The following PDE4D variants were observed in gnomAD, a reference collection of about 807,000 sequenced individuals.
The protein encoded by PDE4D is 3',5'-cyclic-AMP phosphodiesterase 4D.
A neutral mutation model predicts 87.4 loss-of-function variants in PDE4D; 24 were observed. The observed-to-expected ratio is 0.27, with a 90% CI of 0.20 to 0.39. PDE4D has a LOEUF of 0.39. PDE4D is among the 10% of genes least tolerant of loss of function. The pLI is 1.00. For synonymous variants in PDE4D, 384 were observed against 383.2 expected, an observed-to-expected ratio of 1.00 and a Z score of -0.02; for missense variants, 714 against 1,041.0, an observed-to-expected ratio of 0.69 and a Z score of 4.32.
intron 1 of PDE4D, among the ~76,000 whole-genome samples, chr5:59,746,258 T>A (rs1288932180): frequency 6.6e-6 from 1 of 152,148 alleles, no homozygotes; most frequent in Non-Finnish European, 1.5e-5. Flanking sequence ...TTTTTCTGTA[T>A]CTTCTGTCAT....
At position 58,969,170 on chromosome 5, in the gene PDE4D, G is replaced by A. The variant is rs1056108269; in HGVS notation, c.*5494C>T. The A allele has an allele frequency of 6.6e-6, 1 of 152,172 alleles. No individual in the cohort carries two copies. The highest frequency in any genetic ancestry group is 2.4e-5 in the African/African-American group (1 of 41,438). 9.4% of individuals were successfully genotyped at this position (152,172 alleles called of 1,614,324 possible). A position where few individuals can be genotyped will look rare whatever the true frequency, so the allele number is the denominator to read the frequency against. On this transcript the variant is annotated 3_prime_UTR_variant, in exon 15 of 15. Coordinates refer to ENST00000340635, the MANE Select transcript of PDE4D (RefSeq NM_001104631.2). ...TACTGTGTACCAGGCATAGTTTTAA[G>A]TGCTAGTGATATATTGGTAAGCAAA...
chr5:59,762,227 C>T (rs1271879711), intron 1 of PDE4D, among the ~76,000 whole-genome samples: 2 of 141,738 alleles, frequency 1.4e-5, no homozygotes, highest in Non-Finnish European at 3.1e-5. Flanking sequence ...TATGGGTACA[C>T]ATATGCGTAT....
At chr5:59,320,610 T>C (rs1433613115) in intron 1 of PDE4D, among the ~76,000 whole-genome samples, 4 of 152,174 alleles carry the variant, frequency 2.6e-5, no homozygotes, top group African/African-American at 9.6e-5. Flanking sequence ...AACTACTATA[T>C]TGTCAATCAT....
intron 5 of PDE4D, among the ~76,000 whole-genome samples, chr5:59,079,219 T>C (rs1480749779): frequency 6.6e-6 from 1 of 152,224 alleles, no homozygotes; most frequent in Non-Finnish European, 1.5e-5. Flanking sequence ...CTTTCTCATA[T>C]TCTGAATTTT....
chr5:60,374,855 G>A (rs894469053), intron 1 of PDE4D, among the ~76,000 whole-genome samples: 3 of 151,942 alleles, frequency 2.0e-5, no homozygotes, highest in Non-Finnish European at 2.9e-5. Flanking sequence ...CTTAAAAATC[G>A]GTGAAATATG....
intron 1 of PDE4D, among the ~76,000 whole-genome samples, chr5:60,506,868 TC>T (rs2067321): frequency 0.38 from 58,044 of 151,862 alleles, 11,353 homozygotes; most frequent in South Asian, 0.52. Flanking sequence ...TTGCAATATT[TC>T]TTCTGATTAT....
intron 2 of PDE4D, among the ~76,000 whole-genome samples, chr5:60,044,470 C>T (rs1489956247): frequency 1.3e-5 from 2 of 152,020 alleles, no homozygotes; most frequent in East Asian, 1.9e-4. Context: ...CCCACTAACT[C>T]GTCATCTAGC....
At chr5:59,306,107 T>C (rs942915377) in intron 1 of PDE4D, among the ~76,000 whole-genome samples, 6 of 152,200 alleles carry the variant, frequency 3.9e-5, no homozygotes, top group Admixed American at 3.3e-4. Flanking sequence ...TTGTGACATA[T>C]TCCTGTTGGA....
At chr5:59,492,885 T>A (rs563450280) in intron 1 of PDE4D, among the ~76,000 whole-genome samples, 1 of 152,300 alleles carries the variant, frequency 6.6e-6, no homozygotes, top group Admixed American at 6.5e-5. Context: ...AAGCTCTCTC[T>A]TTTTGCCTGC....
intron 1 of PDE4D, among the ~76,000 whole-genome samples, chr5:60,287,186 G>C (rs1488967899): frequency 6.6e-6 from 1 of 152,226 alleles, no homozygotes; most frequent in Non-Finnish European, 1.5e-5. Context: ...GTAAAACCTA[G>C]CTTGTGGCCT....
At chr5:60,166,671 CAT>C (rs1199319753) in intron 2 of PDE4D, among the ~76,000 whole-genome samples, 20 of 152,182 alleles carry the variant, frequency 1.3e-4, no homozygotes, top group African/African-American at 4.3e-4. Context: ...AGCATTAACA[CAT>C]GTTTTTGTAT....
intron 1 of PDE4D, among the ~76,000 whole-genome samples, chr5:59,469,184 A>T (rs1452348648): frequency 6.6e-6 from 1 of 151,876 alleles, no homozygotes; most frequent in African/African-American, 2.4e-5. Context: ...AAAAATTAGC[A>T]GGGCGTGGTA....
At chr5:60,309,600 A>G (rs1421479538) in intron 1 of PDE4D, among the ~76,000 whole-genome samples, 3 of 151,792 alleles carry the variant, frequency 2.0e-5, no homozygotes, top group African/African-American at 7.3e-5. Flanking sequence ...TCACTCCCTC[A>G]GGGTTATAAT....
chr5:60,114,823 A>G lies in PDE4D; in HGVS notation c.42+70734T>C, dbSNP rs574469540. ...TTAAAAATCCATACTTCAGGCTGAT[A>G]AAGACATTATATGTATATGTGTGTA... On this transcript the variant is annotated intron_variant, in intron 2 of 16. Coordinates refer to the PDE4D transcript ENST00000502484. 3.3e-4 allele frequency among the ~76,000 whole-genome samples: 50 copies of G among 152,208 alleles called. No individual in the cohort carries two copies. In the South Asian group the frequency reaches 9.5e-3, roughly 29 times the overall value.
At chr5:59,226,264 C>T (rs153983) in intron 1 of PDE4D, among the ~76,000 whole-genome samples, 39,691 of 151,822 alleles carry the variant, frequency 0.26, 5,593 homozygotes, top group African/African-American at 0.35. Flanking sequence ...CATCAATGAA[C>T]GAATGGATTA....
Position 59,430,294 on chromosome 5 carries a change from C to T in PDE4D, c.456-214326G>A, listed in dbSNP as rs181294274. On this transcript the variant is annotated intron_variant, in intron 1 of 14. Coordinates refer to ENST00000340635, the MANE Select transcript of PDE4D (RefSeq NM_001104631.2). ...AACTAGAGGAAAGGAAAGCAGTTAC[C>T]GTCTCCTCTGTGGCTTAATATCAAT... 1.4e-3 allele frequency: 1,706 copies of T among 1,231,142 alleles called. 1 individual carries two copies. Among genetic ancestry groups the T allele is most frequent in the Non-Finnish European group, 1.5e-3 (1,487 of 987,540 alleles). The allele number at this position is 1,231,142 out of a possible 1,614,324, so 76.3% of individuals were successfully genotyped here.
chr5:59,795,599 T>C (rs1766372426), intron 1 of PDE4D, among the ~76,000 whole-genome samples: 1 of 152,194 alleles, frequency 6.6e-6, no homozygotes, highest in African/African-American at 2.4e-5. Flanking sequence ...TGTACTATAT[T>C]ACAGTAGAAA....
chr5:59,620,706 A>G (rs961908732), intron 1 of PDE4D, among the ~76,000 whole-genome samples: 1 of 152,212 alleles, frequency 6.6e-6, no homozygotes, highest in South Asian at 2.1e-4. Context: ...GAACCAAAGC[A>G]TGAATACTTT....
chr5:60,261,329 A>G (rs1749624930), intron 1 of PDE4D, among the ~76,000 whole-genome samples: 1 of 152,140 alleles, frequency 6.6e-6, no homozygotes, highest in South Asian at 2.1e-4. Flanking sequence ...CAATTTTCCT[A>G]CGCCAAATCA....
Sources: gnomAD v4.1 joint callset for allele counts (sites outside exome capture counted in the v4.1 genomes callset) on GRCh38, gnomAD v4.1.1 for gene constraint, MANE v1.5 for transcripts, NCBI Gene and HGNC (gene_info 2026-07-23, HGNC 2026-07-21) for gene names.